Variants in CDH13 observed in about 807,000 individuals in gnomAD.
The protein encoded by CDH13 is cadherin 13.
CDH13 carries 24 observed loss-of-function variants against 63.8 expected under a neutral mutation model. The ratio of observed to expected loss-of-function variants is 0.38; its 90% CI spans 0.27 to 0.53. CDH13 has a LOEUF of 0.53. Ranked by LOEUF, CDH13 falls within the 20% of genes least tolerant of loss-of-function variation. CDH13 has a pLI of 0.85. For synonymous variants in CDH13, 503 were observed against 355.3 expected (o/e 1.42, Z -4.67); for missense variants, 1,049 against 903.1 (o/e 1.16, Z -2.07).
At chr16:83,559,934 G>A (rs906485242) in intron 7 of CDH13, among the ~76,000 whole-genome samples, 6 of 152,054 alleles carry the variant, frequency 3.9e-5, no homozygotes, top group Non-Finnish European at 8.8e-5. Context: ...AGATCAAACA[G>A]TTGGCCAATA....
At chr16:83,407,370 A>G (rs1315075493) in intron 6 of CDH13, among the ~76,000 whole-genome samples, 3 of 152,224 alleles carry the variant, frequency 2.0e-5, no homozygotes, top group African/African-American at 7.2e-5. Flanking sequence ...CTATATGCCA[A>G]GTACTGTGGT....
At chr16:82,804,312 C>CACACACACACACACACACACACAT (rs58046063) in intron 1 of CDH13, among the ~76,000 whole-genome samples, 2 of 148,376 alleles carry the variant, frequency 1.3e-5, no homozygotes, top group East Asian at 2.0e-4. Flanking sequence ...CACACACACA[C>CACACACACACACACACACACACAT]GCACACACAT....
intron 4 of CDH13, among the ~76,000 whole-genome samples, chr16:83,147,603 G>C (rs562261267): frequency 1.3e-5 from 2 of 152,232 alleles, no homozygotes; most frequent in East Asian, 3.9e-4. Flanking sequence ...TGCCTTCCTT[G>C]AAGTCCTTTT....
chr16:82,727,057 A>G (rs974993979), intron 1 of CDH13, among the ~76,000 whole-genome samples: 2 of 152,150 alleles, frequency 1.3e-5, no homozygotes, highest in African/African-American at 4.8e-5. Flanking sequence ...GCCTGTGCCT[A>G]TTAGAAACTG....
rs555641012 is a variant in CDH13, at chr16:83,193,075, G to A, written c.484-24270G>A. Among the ~76,000 whole-genome samples the A allele has an allele frequency of 2.0e-5, 3 of 152,092 alleles. No homozygotes were observed. In the East Asian group the frequency reaches 5.8e-4, roughly 29 times the overall value. On this transcript the variant is annotated intron_variant, in intron 4 of 13. Transcript: ENST00000567109. ...ACACTCGGAGTTGTCTGACTCACTT[G>A]GAGAGTACAAGGGCATCTGCACCTA...
At chr16:82,896,495 C>T (rs2041269633) in intron 2 of CDH13, among the ~76,000 whole-genome samples, 1 of 151,450 alleles carries the variant, frequency 6.6e-6, no homozygotes, top group Non-Finnish European at 1.5e-5. Flanking sequence ...TGGGTTTTGC[C>T]ATGTTGTTCA....
At position 82,812,770 on chromosome 16, in the gene CDH13, T is replaced by C. The variant is rs1338487113; in HGVS notation, c.46-45592T>C. On this transcript the variant is annotated intron_variant, in intron 1 of 13. Coordinates refer to ENST00000567109, the MANE Select transcript of CDH13 (RefSeq NM_001257.5). ...GGATGTAGAGAAAACAAAGTTTTTT[T>C]TTTCTTTCTTTTTTATTTCCTTTCC... Among the ~76,000 whole-genome samples, 14 of 152,108 alleles carry C rather than the reference T, an allele frequency of 9.2e-5. No homozygotes were observed. The South Asian group carries it at 1.2e-3, about 14-fold the overall frequency.
chr16:82,943,587 A>T (rs765482820), intron 2 of CDH13, among the ~76,000 whole-genome samples: 6 of 152,196 alleles, frequency 3.9e-5, no homozygotes, highest in Non-Finnish European at 7.4e-5. Flanking sequence ...TTATTAGGCA[A>T]TGTATGTCTG....
At chr16:82,703,684 G>A (rs1266903128) in intron 1 of CDH13, among the ~76,000 whole-genome samples, 1 of 152,122 alleles carries the variant, frequency 6.6e-6, no homozygotes, top group Admixed American at 6.6e-5. Flanking sequence ...GGTAGAAACA[G>A]GTTTCTATAC....
rs533095454 is a variant in CDH13 at position 83,001,607 on chromosome 16, GT to G, written c.158-30401del. On this transcript the variant is annotated intron_variant, in intron 2 of 13. Coordinates refer to ENST00000567109, the MANE Select transcript of CDH13 (RefSeq NM_001257.5). ...ATGTAAATCAGTAGAGTTCTAAGGA[GT>G]TATCTGGCAGCCATGTTAATGGATG... is the stretch of plus-strand genomic sequence containing the variant. Among the ~76,000 whole-genome samples the G allele has an allele frequency of 3.3e-5, 5 of 152,332 alleles. No individual in the cohort carries two copies. The South Asian group carries it at 1.0e-3, about 32-fold the overall frequency.
chr16:83,363,876 A>T (rs527743807), intron 6 of CDH13, among the ~76,000 whole-genome samples: 2 of 152,298 alleles, frequency 1.3e-5, no homozygotes, highest in South Asian at 4.1e-4. Context: ...AATGAATATC[A>T]GAGAGGGTCA....
chr16:83,621,349 T>G (rs1200946470), intron 8 of CDH13, among the ~76,000 whole-genome samples: 3 of 152,134 alleles, frequency 2.0e-5, no homozygotes, highest in Non-Finnish European at 2.9e-5. Context: ...CTATCCTGTT[T>G]TTCTTGTTAC....
intron 6 of CDH13, among the ~76,000 whole-genome samples, chr16:83,408,795 C>G (rs190014229): frequency 4.0e-4 from 61 of 152,252 alleles, no homozygotes; most frequent in African/African-American, 1.4e-3. Flanking sequence ...CTCATGTTGT[C>G]TTATGTGGAT....
chr16:83,566,887 A>G (rs1359588795), intron 7 of CDH13, among the ~76,000 whole-genome samples: 1 of 152,210 alleles, frequency 6.6e-6, no homozygotes, highest in Non-Finnish European at 1.5e-5. Flanking sequence ...AGAGGAAAAA[A>G]AAGAAGAAAC....
At chr16:83,680,300 C>G (rs891943944) in intron 10 of CDH13, among the ~76,000 whole-genome samples, 5 of 152,184 alleles carry the variant, frequency 3.3e-5, no homozygotes, top group African/African-American at 1.2e-4. Flanking sequence ...CACCTCCCTG[C>G]TCCAGGCACC....
chr16:83,408,083 G>A (rs746583665), intron 6 of CDH13, among the ~76,000 whole-genome samples: 1 of 152,164 alleles, frequency 6.6e-6, no homozygotes, highest in Non-Finnish European at 1.5e-5. Context: ...CTGTGTTGGG[G>A]ACAACGTTCA....
chr16:83,344,459 C>T (rs2090794045), intron 5 of CDH13, among the ~76,000 whole-genome samples: 1 of 152,200 alleles, frequency 6.6e-6, no homozygotes, highest in South Asian at 2.1e-4. Context: ...TTGGTTATCT[C>T]TTAATGTACT....
At chr16:82,872,091 C>A (rs903910572) in intron 2 of CDH13, among the ~76,000 whole-genome samples, 2 of 152,218 alleles carry the variant, frequency 1.3e-5, no homozygotes, top group Non-Finnish European at 2.9e-5. Context: ...AAAAGTCAGA[C>A]AGTCCGTTCT....
Position 83,136,917 on chromosome 16 carries a change from T to C in CDH13, c.483+11416T>C, listed in dbSNP as rs113757472. 4.2e-3 allele frequency among the ~76,000 whole-genome samples: 645 copies of C among 152,358 alleles called. 7 individuals carry two copies. The highest frequency in any genetic ancestry group is 0.015 in the African/African-American group (603 of 41,584). On this transcript the variant is annotated intron_variant, in intron 4 of 13. Coordinates refer to ENST00000567109, the MANE Select transcript of CDH13 (RefSeq NM_001257.5). ...TGAGTTGGAGTGTTTGCAGCTACTT[T>C]GGCATAAATTCTCCCACAGCGGCCA... is the stretch of plus-strand genomic sequence containing the variant.
Sources: allele counts gnomAD v4.1 joint callset (sites outside exome capture counted in the v4.1 genomes callset), GRCh38; gene constraint gnomAD v4.1.1; transcripts MANE v1.5; gene names NCBI Gene and HGNC (gene_info 2026-07-23, HGNC 2026-07-21).